Variants in STRA6 observed in about 807,000 individuals in gnomAD.
STRA6 encodes the protein receptor for retinol uptake STRA6.
Under a neutral mutation model 83.6 loss-of-function variants are expected in STRA6, and 48 were observed. The observed-to-expected ratio is 0.57, with a 90% CI of 0.46 to 0.73. The LOEUF (loss-of-function observed/expected upper bound fraction) is 0.73, where lower values mean the gene tolerates loss of function less well. STRA6 is among the 30% of genes least tolerant of loss of function. The pLI, the probability that STRA6 is intolerant of heterozygous loss-of-function variation, is 0.00. For missense variants in STRA6, 760 were observed against 838.8 expected (o/e 0.91, Z 1.16); for synonymous variants, 353 against 362.3 (o/e 0.97, Z 0.29).
chr15:74,192,423 C>A (rs2073593846), intron 8 of STRA6, among the ~76,000 whole-genome samples: 1 of 152,182 alleles, frequency 6.6e-6, no homozygotes, highest in African/African-American at 2.4e-5. Flanking sequence ...GGAGCCGAGT[C>A]TGGAGTCCGT....
intron 11 of STRA6, among the ~76,000 whole-genome samples, chr15:74,190,428 T>C (rs539548757): frequency 6.6e-6 from 1 of 151,994 alleles, no homozygotes; most frequent in African/African-American, 2.4e-5. Context: ...TTTCGGGGTT[T>C]TTTTTTTTTC....
At chr15:74,183,720 T>C (rs2073103823) in intron 14 of STRA6, 136 bp downstream of exon 14, 2 of 1,590,894 alleles carry the variant, frequency 1.3e-6, no homozygotes, top group South Asian at 1.1e-5. Flanking sequence ...GGGTCCCTCC[T>C]TCTTGCTGCT....
At position 74,180,946 on chromosome 15, in the gene STRA6, G is replaced by A. The variant is rs769431933; in HGVS notation, c.1685-9C>T. The A allele has an allele frequency of 1.7e-5, 28 of 1,613,442 alleles. No homozygotes were observed. The East Asian group carries it at 5.3e-4, about 31-fold the overall frequency. On this transcript the variant is annotated splice_polypyrimidine_tract_variant and intron_variant, in intron 17 of 18. Transcript: ENST00000395105. ...TCGGTACGTGTAGTAGCCTGGGGTGGGGTGGCGGATGGCAATGCTGGGGGA... is the reference window on the plus strand; with the variant it reads ...TCGGTACGTGTAGTAGCCTGGGGTGAGGTGGCGGATGGCAATGCTGGGGGA...
In STRA6 at chr15:74,189,179, G is replaced by A. The variant is rs79382990; in HGVS notation, c.1026C>T (p.Ile342=). The change falls in exon 12 of 19, where the codon ATC becomes ATT. Residue 342 remains isoleucine (I), a synonymous_variant. Transcript: ENST00000395105. ...CCTCCTGCTTGTCCTCGGAGAGCAC[G>A]ATTCCAAAGCCGGCCAGCAGGTAGG... is the stretch of plus-strand genomic sequence containing the variant. ...DVSYLLAGFG[I]VLSEDKQEVV... is the part of the protein sequence containing the mutation. The A allele has an allele frequency of 3.8e-4, 619 of 1,614,078 alleles. 1 individual carries two copies. The African/African-American group carries it at 4.8e-3, about 13-fold the overall frequency.
chr15:74,180,849 C>A lies in STRA6; in HGVS notation c.1773G>T (p.Ala591=), dbSNP rs566665926. The change falls in exon 18 of 19, where the codon GCG becomes GCT. Residue 591 remains alanine, a synonymous_variant. Coordinates refer to ENST00000395105, the MANE Select transcript of STRA6 (RefSeq NM_022369.4). ...MTAFCSLLLQ[A]QSLLPRTMAA... The stretch of plus-strand genomic sequence containing the variant: ...CCATGGTCCTGGGTAGGAGGCTCTG[C>A]GCTTGCAGGAGCAGGGAGCAGAAGG... 393 of 1,614,068 alleles carry A rather than the reference C, an allele frequency of 2.4e-4. 6 individuals are homozygous for A. The South Asian group carries it at 4.1e-3, about 17-fold the overall frequency.
In STRA6 at chr15:74,189,222, C is replaced by G; in HGVS notation, c.983G>C (p.Gly328Ala). 6.2e-7 allele frequency: 1 copy of G among 1,611,338 alleles called. No homozygotes were observed. The highest frequency in any genetic ancestry group is 8.5e-7 in the Non-Finnish European group (1 of 1,178,910). Residue 328 changes from glycine to alanine, a missense_variant, in exon 12 of 19, where the codon GGG becomes GCG. Physicochemically the swap from Gly to Ala is moderately conservative, Grantham distance 60. Transcript: ENST00000395105. Reference sequence around the variant, plus strand: ...CAGGTAGGAGACATCCGTGGTGACCCCTGCCCTCACCTTCTGGATAGTGGG... The same window carrying G: ...CAGGTAGGAGACATCCGTGGTGACCGCTGCCCTCACCTTCTGGATAGTGGG... ...VVPTIQKVRA[G>A]VTTDVSYLLA...
intron 2 of STRA6, among the ~76,000 whole-genome samples, chr15:74,200,422 C>G (rs2074005825): frequency 6.6e-6 from 1 of 152,150 alleles, no homozygotes; most frequent in Non-Finnish European, 1.5e-5. Context: ...CCCCAGGAAG[C>G]CACTGAGGGT....
rs189339136 is a variant in STRA6 at position 74,197,218 on chromosome 15, C to T, written c.266+120G>A. 1.9e-3 allele frequency: 1,398 copies of T among 717,716 alleles called. 18 individuals carry two copies. The highest frequency in any genetic ancestry group is 4.7e-4 in the Middle Eastern group (2 of 4,256). 44.5% of individuals were successfully genotyped at this position (717,716 alleles called of 1,614,324 possible). ...GGTGAGGAAAGCTCCAGGCTGAGGGCGATAGGGATGTCATTAAAGCCAGAG... is the reference window on the plus strand; with the variant it reads ...GGTGAGGAAAGCTCCAGGCTGAGGGTGATAGGGATGTCATTAAAGCCAGAG... On this transcript the variant is annotated intron_variant, in intron 4 of 18. Transcript: ENST00000395105.
chr15:74,196,238 G>A (rs746950563), intron 4 of STRA6, 91 bp from the exon 5 acceptor site: 266 of 1,555,990 alleles, frequency 1.7e-4, no homozygotes, highest in Middle Eastern at 1.0e-3. Flanking sequence ...TCAAGGAGGT[G>A]GAGTCAGTCC....
In STRA6 at chr15:74,184,990, C is replaced by T; in HGVS notation, c.1156G>A (p.Val386Met). Reference sequence around the variant, plus strand: ...GAGTCTGTCACTCACCTGTGTGTCACCAGTGAGCGCATCAGGACCAGGAAG... The same window carrying T: ...GAGTCTGTCACTCACCTGTGTGTCATCAGTGAGCGCATCAGGACCAGGAAG... Reference protein sequence around the residue: ...LTFLVLMRSLVTHRTNLRALH... With the variant: ...LTFLVLMRSLMTHRTNLRALH... Residue 386 changes from valine (V) to methionine (M), a missense_variant, in exon 13 of 19, where the codon GTG becomes ATG. Transcript: ENST00000395105. 6.2e-7 allele frequency: 1 copy of T among 1,613,950 alleles called. No homozygotes were observed. Among genetic ancestry groups the T allele is most frequent in the Non-Finnish European group, 8.5e-7 (1 of 1,179,936 alleles).
At chr15:74,204,969 C>T (rs1397603168), upstream of STRA6, among the ~76,000 whole-genome samples, 1 of 151,800 alleles carries the variant, frequency 6.6e-6, no homozygotes, top group African/African-American at 2.4e-5. Flanking sequence ...AAGAAACCAT[C>T]CTCTTCCTTG....
intron 7 of STRA6, chr15:74,194,529 G>C: frequency 2.4e-6 from 1 of 413,924 alleles, no homozygotes; most frequent in Non-Finnish European, 3.7e-6. Flanking sequence ...CAGCTCCATG[G>C]ACGGATGGAG....
intron 1 of STRA6, chr15:74,208,752 C>T (rs574031672): frequency 2.9e-5 from 29 of 988,602 alleles, no homozygotes; most frequent in Middle Eastern, 5.2e-4. Flanking sequence ...CGCTGTTCCC[C>T]GACCTGTTCC....
intron 8 of STRA6, 24 bp downstream of exon 8, chr15:74,193,776 C>T: frequency 1.2e-6 from 2 of 1,612,534 alleles, no homozygotes; most frequent in Non-Finnish European, 1.7e-6. Context: ...TGAGGAAGAG[C>T]TCATCCCAGG....
chr15:74,196,248 C>T, intron 4 of STRA6, 101 bp from the exon 5 acceptor site: 1 of 1,528,820 alleles, frequency 6.5e-7, no homozygotes, highest in South Asian at 1.2e-5. Context: ...GGAGTCAGTC[C>T]CACTTTCTAG....
chr15:74,209,426 A>AGCTCG (rs1475598472), upstream of STRA6: 1 of 1,535,478 alleles, frequency 6.5e-7, no homozygotes, highest in Non-Finnish European at 8.7e-7. Flanking sequence ...GGGAACCACC[A>AGCTCG]GCTCGGCTCT....
intron 3 of STRA6, 118 bp downstream of exon 3, chr15:74,197,633 AG>A (rs1278247259): frequency 6.6e-6 from 9 of 1,361,120 alleles, no homozygotes. Flanking sequence ...ACTCCCAGAT[AG>A]CTCCCCCCAC....
intron 12 of STRA6, among the ~76,000 whole-genome samples, chr15:74,185,529 G>T (rs1458946627): frequency 3.3e-5 from 5 of 152,226 alleles, no homozygotes; most frequent in Admixed American, 3.3e-4. Flanking sequence ...CTTCGTTCAG[G>T]GCATAGAGGG....
At chr15:74,195,067 C>T (rs975349643) in intron 7 of STRA6, 1 of 1,447,680 alleles carries the variant, frequency 6.9e-7, no homozygotes, top group South Asian at 1.4e-5. Context: ...TTCCCCTTCT[C>T]CGCCACCTCC....
Sources: gnomAD v4.1 joint callset for allele counts (sites outside exome capture counted in the v4.1 genomes callset) on GRCh38, gnomAD v4.1.1 for gene constraint, MANE v1.5 for transcripts, NCBI Gene and HGNC (gene_info 2026-07-23, HGNC 2026-07-21) for gene names.